The following SPTLC3 variants were observed in gnomAD, a reference collection of about 807,000 sequenced individuals.
SPTLC3 encodes the protein serine palmitoyltransferase long chain base subunit 3.
Under a neutral mutation model 59.3 loss-of-function variants are expected in SPTLC3, and 36 were observed. That is an observed-to-expected ratio of 0.61 (90% CI 0.47 to 0.80). SPTLC3 has a LOEUF of 0.80. Among genes scored for constraint, SPTLC3 ranks in the 30% least tolerant of loss-of-function variants. The pLI is 0.00. For missense variants in SPTLC3, 625 were observed against 685.1 expected (o/e 0.91, Z 0.98); for synonymous variants, 257 against 240.8 (o/e 1.07, Z -0.62).
chr20:13,091,767 C>T (rs1194969787), intron 5 of SPTLC3, among the ~76,000 whole-genome samples: 1 of 152,084 alleles, frequency 6.6e-6, no homozygotes, highest in Non-Finnish European at 1.5e-5. Context: ...ACAAAGCAGT[C>T]ATAATTTTGG....
chr20:13,055,701 T>A (rs1987693391), intron 2 of SPTLC3, among the ~76,000 whole-genome samples: 1 of 152,180 alleles, frequency 6.6e-6, no homozygotes, highest in Non-Finnish European at 1.5e-5. Flanking sequence ...TGAAGAGTTG[T>A]TTCCTAGAAA....
At chr20:13,088,548 C>A (rs1277285670) in intron 4 of SPTLC3, among the ~76,000 whole-genome samples, 2 of 152,052 alleles carry the variant, frequency 1.3e-5, no homozygotes, top group African/African-American at 4.8e-5. Context: ...TGGTCTCGAT[C>A]TCCTGACCTC....
At chr20:13,074,002 G>A (rs79110462) in intron 3 of SPTLC3, 40,958 of 617,814 alleles carry the variant, frequency 0.066, 1,641 homozygotes, top group Middle Eastern at 0.092. Context: ...GAATATCGGA[G>A]ATAGTCCTGT....
chr20:13,049,272 C>G (rs934335), intron 2 of SPTLC3, 142 bp downstream of exon 2: 890,039 of 891,122 alleles, frequency 1, 444,486 homozygotes, highest in East Asian at 1. Context: ...ATCTCCACCT[C>G]CTAAACCCCA....
At chr20:13,053,757 A>T (rs1018967589) in intron 2 of SPTLC3, among the ~76,000 whole-genome samples, 2 of 152,078 alleles carry the variant, frequency 1.3e-5, no homozygotes, top group Non-Finnish European at 2.9e-5. Flanking sequence ...AAGTATCAAT[A>T]GCCAAATTGA....
chr20:13,077,742 G>A (rs897296679), intron 4 of SPTLC3, among the ~76,000 whole-genome samples: 2 of 151,180 alleles, frequency 1.3e-5, no homozygotes, highest in African/African-American at 4.8e-5. Context: ...CAGAAACTTA[G>A]GAATTTGAAA....
At chr20:13,018,003 T>C (rs532822904) in intron 1 of SPTLC3, among the ~76,000 whole-genome samples, 12 of 152,140 alleles carry the variant, frequency 7.9e-5, no homozygotes, top group Admixed American at 2.6e-4. Context: ...AAACCAAGTA[T>C]CCTTGCTCTG....
intron 8 of SPTLC3, among the ~76,000 whole-genome samples, chr20:13,124,274 G>C (rs563099452): frequency 6.6e-6 from 1 of 151,904 alleles, no homozygotes; most frequent in Non-Finnish European, 1.5e-5. Flanking sequence ...GACAGAGAAG[G>C]TTATTGGTAT....
At chr20:13,164,131 T>A (rs6041931) in intron 11 of SPTLC3, among the ~76,000 whole-genome samples, 3,414 of 152,208 alleles carry the variant, frequency 0.022, 60 homozygotes, top group South Asian at 0.033. Context: ...AATGACCTTT[T>A]TTTACTTCCT....
chr20:13,140,858 T>C (rs2122882293), intron 9 of SPTLC3, among the ~76,000 whole-genome samples: 1 of 152,312 alleles, frequency 6.6e-6, no homozygotes, highest in South Asian at 2.1e-4. Flanking sequence ...GTTAAATCAC[T>C]TTGTGCGAAT....
chr20:13,111,312 G>C (rs981843999), intron 7 of SPTLC3, among the ~76,000 whole-genome samples: 2 of 152,206 alleles, frequency 1.3e-5, no homozygotes, highest in East Asian at 3.9e-4. Flanking sequence ...AAGTCTTTGG[G>C]AGCACTCTAG....
chr20:13,091,392 G>A (rs913949161), intron 5 of SPTLC3, among the ~76,000 whole-genome samples, 185 bp downstream of exon 5: 1 of 151,996 alleles, frequency 6.6e-6, no homozygotes, highest in Non-Finnish European at 1.5e-5. Context: ...GGCCAACATA[G>A]TGAAACCCCG....
chr20:13,026,071 T>A (rs1986128729), intron 1 of SPTLC3, among the ~76,000 whole-genome samples: 1 of 152,236 alleles, frequency 6.6e-6, no homozygotes, highest in African/African-American at 2.4e-5. Flanking sequence ...TTCTTTTTTA[T>A]GGCTTCATAG....
chr20:13,029,144 A>G (rs1986303142), intron 1 of SPTLC3, among the ~76,000 whole-genome samples: 1 of 152,160 alleles, frequency 6.6e-6, no homozygotes, highest in African/African-American at 2.4e-5. Flanking sequence ...TTGTTAGCTT[A>G]TGACAGGAGG....
intron 2 of SPTLC3, among the ~76,000 whole-genome samples, chr20:13,052,253 C>T (rs1293981538): frequency 6.6e-6 from 1 of 152,108 alleles, no homozygotes; most frequent in African/African-American, 2.4e-5. Flanking sequence ...CACTGCCTCA[C>T]CTGGGAAGCG....
chr20:13,025,880 C>T (rs564323376), intron 1 of SPTLC3, among the ~76,000 whole-genome samples: 1 of 152,262 alleles, frequency 6.6e-6, no homozygotes, highest in Non-Finnish European at 1.5e-5. Flanking sequence ...TCTCCCTCCT[C>T]CCACCCTCCA....
At chr20:13,010,090 A>T (rs887847605) in intron 1 of SPTLC3, among the ~76,000 whole-genome samples, 4 of 150,948 alleles carry the variant, frequency 2.6e-5, no homozygotes, top group Non-Finnish European at 5.9e-5. Context: ...AGAGTGTCCT[A>T]GGCAGGAGGA....
chr20:13,052,623 G>A (rs538708814), intron 2 of SPTLC3, among the ~76,000 whole-genome samples: 2 of 152,258 alleles, frequency 1.3e-5, no homozygotes, highest in East Asian at 3.9e-4. Flanking sequence ...ACGGAGCCCA[G>A]CAAGCTAAGA....
intron 10 of SPTLC3, among the ~76,000 whole-genome samples, chr20:13,158,775 T>A (rs2038830803): frequency 6.6e-6 from 1 of 152,206 alleles, no homozygotes; most frequent in Non-Finnish European, 1.5e-5. Flanking sequence ...TCTCCATTGC[T>A]TCATCTGATA....
Sources: gnomAD v4.1 joint callset for allele counts (sites outside exome capture counted in the v4.1 genomes callset) on GRCh38, gnomAD v4.1.1 for gene constraint, MANE v1.5 for transcripts, NCBI Gene and HGNC (gene_info 2026-07-23, HGNC 2026-07-21) for gene names.